The following PIGW variants were observed in gnomAD, a reference collection of about 807,000 sequenced individuals.
PIGW encodes phosphatidylinositol glycan anchor biosynthesis class W.
PIGW carries 23 observed loss-of-function variants against 34.0 expected under a neutral mutation model. That is an observed-to-expected ratio of 0.68 (90% CI 0.49 to 0.96). The LOEUF (loss-of-function observed/expected upper bound fraction) is 0.96, where lower values mean the gene tolerates loss of function less well. Among genes scored for constraint, PIGW ranks in the 40% least tolerant of loss-of-function variants. The probability of loss-of-function intolerance (pLI) is 0.00; values close to 1 mark genes in which losing one functional copy is unlikely to be tolerated. For missense variants in PIGW, 574 were observed against 586.3 expected (o/e 0.98, Z 0.22); for synonymous variants, 225 against 225.2 (o/e 1.00, Z 0.01).
At chr17:36,536,553 T>A (rs558386828) in intron 1 of PIGW, among the ~76,000 whole-genome samples, 3 of 133,438 alleles carry the variant, frequency 2.2e-5, no homozygotes, top group Non-Finnish European at 4.7e-5. Context: ...TGAGATGGAG[T>A]CTCACTCTGT....
rs1323700473 is a variant in PIGW at position 36,535,426 on chromosome 17, G to C, written c.-175G>C. ...ACTGGCACGAGCGCCATGATGGGCG[G>C]AGACGCGCGGAATCGGCCGGCCCGG... On this transcript the variant is annotated 5_prime_UTR_variant, in exon 1 of 2. Coordinates refer to ENST00000614443, the MANE Select transcript of PIGW (RefSeq NM_001346754.2). The C allele has an allele frequency of 6.6e-6, 1 of 152,302 alleles. No individual in the cohort carries two copies. The highest frequency in any genetic ancestry group is 1.5e-5 in the Non-Finnish European group (1 of 68,090). The allele number at this position is 152,302 out of a possible 1,614,324, so 9.4% of individuals were successfully genotyped here.
Position 36,537,537 on chromosome 17 carries a change from G to T in PIGW, c.436G>T (p.Ala146Ser). ...TGCGTTTACTGCTATTGCTATTTTG[G>T]CTGTGGACTTCCCACTTTTTCCCAG... ...TSAFTAIAIL[A>S]VDFPLFPRRF... The change falls in exon 2 of 2, where the codon GCT (alanine) becomes TCT (serine). Residue 146 changes from alanine (A) to serine (S), a missense_variant. Physicochemically the swap from Ala to Ser is moderately conservative, Grantham distance 99. Coordinates refer to ENST00000614443, the MANE Select transcript of PIGW (RefSeq NM_001346754.2). 2 of 1,614,054 alleles carry T rather than the reference G, an allele frequency of 1.2e-6. No homozygotes were observed. The highest frequency in any genetic ancestry group is 1.1e-5 in the South Asian group (1 of 91,076).
rs2074068773 is a variant in PIGW, at chr17:36,535,234, C to CGGCGGAGTGTTGTGCGAGTCA, written c.-361_-360insGTGTTGTGCGAGTCAGGCGGA. The stretch of plus-strand genomic sequence containing the variant: ...AGTGCGGCGGAGTGTTGTGCGAGGC[C>CGGCGGAGTGTTGTGCGAGTCA]GGCGGACACCATTACCCTGATAGGG... On this transcript the variant is annotated 5_prime_UTR_variant, in exon 1 of 2. Coordinates refer to ENST00000614443, the MANE Select transcript of PIGW (RefSeq NM_001346754.2). 1 of 152,172 alleles carries CGGCGGAGTGTTGTGCGAGTCA rather than the reference C, an allele frequency of 6.6e-6. No individual in the cohort carries two copies. Among genetic ancestry groups the CGGCGGAGTGTTGTGCGAGTCA allele is most frequent in the Non-Finnish European group, 1.5e-5 (1 of 68,084 alleles). 9.4% of individuals were successfully genotyped at this position (152,172 alleles called of 1,614,324 possible).
chr17:36,538,183 T>A lies in PIGW; in HGVS notation c.1082T>A (p.Val361Glu), dbSNP rs551293655. ...TCTCTTTACGTAGTTCAAGTAAATGTAGAAGCAGTATCTCGAAGAATGGCA... is the reference window on the plus strand; with the variant it reads ...TCTCTTTACGTAGTTCAAGTAAATGAAGAAGCAGTATCTCGAAGAATGGCA... ...FISLYVVQVN[V>E]EAVSRRMANL... Residue 361 changes from valine (V) to glutamate (E), a missense_variant, in exon 2 of 2, where the codon GTA becomes GAA. By Grantham distance (121) the Val-to-Glu change is moderately radical (BLOSUM62 -2). Transcript: ENST00000614443. 7 of 1,613,766 alleles carry A rather than the reference T, an allele frequency of 4.3e-6. No homozygotes were observed. In the Admixed American group the frequency reaches 8.3e-5, roughly 19 times the overall value.
Position 36,538,072 on chromosome 17 carries a change from TATATATGC to T in PIGW, c.975_982del (p.Tyr325Ter). ...CACATGGCTGGTGTGCAAACAGGGTTATATATGCATAAGAACCGATCACATATCAAAGA... is the reference window on the plus strand; with the variant it reads ...CACATGGCTGGTGTGCAAACAGGGTTATAAGAACCGATCACATATCAAAGA... On this transcript the variant is annotated frameshift_variant, in exon 2 of 2. Coordinates refer to ENST00000614443, the MANE Select transcript of PIGW (RefSeq NM_001346754.2). LOFTEE classifies it high-confidence loss of function. 1 of 1,614,194 alleles carries T rather than the reference TATATATGC, an allele frequency of 6.2e-7. No homozygotes were observed. The highest frequency in any genetic ancestry group is 8.5e-7 in the Non-Finnish European group (1 of 1,180,042).
intron 1 of PIGW, among the ~76,000 whole-genome samples, chr17:36,536,882 A>C (rs11650008): frequency 0.52 from 79,173 of 151,970 alleles, 20,841 homozygotes; most frequent in East Asian, 0.64. Flanking sequence ...CCAATAATTT[A>C]ATATTATTAG....
At position 36,539,249 on chromosome 17, in the gene PIGW, A is replaced by G. The variant is rs973784158; in HGVS notation, c.*633A>G. On this transcript the variant is annotated 3_prime_UTR_variant, in exon 2 of 2. Coordinates refer to ENST00000614443, the MANE Select transcript of PIGW (RefSeq NM_001346754.2). ...ATGCTATTCTGTATTTTTACTGTAT[A>G]TTGCTTTTACAATAAATATAAAATG... 1 of 167,024 alleles carries G rather than the reference A, an allele frequency of 6.0e-6. No individual in the cohort carries two copies. The highest frequency in any genetic ancestry group is 1.5e-5 in the Non-Finnish European group (1 of 68,120). The allele number at this position is 167,024 out of a possible 1,614,324, so 10.3% of individuals were successfully genotyped here. A position where few individuals can be genotyped will look rare whatever the true frequency, so the allele number is the denominator to read the frequency against.
At position 36,537,548 on chromosome 17, in the gene PIGW, C is replaced by G. The variant is rs2074159292; in HGVS notation, c.447C>G (p.Phe149Leu). 6.2e-7 allele frequency: 1 copy of G among 1,614,132 alleles called. No individual in the cohort carries two copies. The highest frequency in any genetic ancestry group is 1.1e-5 in the South Asian group (1 of 91,082). The change falls in exon 2 of 2, where the codon TTC (phenylalanine) becomes TTG (leucine). Residue 149 changes from phenylalanine to leucine, a missense_variant. Phe to Leu is a conservative substitution (Grantham distance 22). Coordinates refer to ENST00000614443, the MANE Select transcript of PIGW (RefSeq NM_001346754.2). ...FTAIAILAVD[F>L]PLFPRRFAKT... The stretch of plus-strand genomic sequence containing the variant: ...CTATTGCTATTTTGGCTGTGGACTT[C>G]CCACTTTTTCCCAGAAGATTTGCCA...
rs751924963 is a variant in PIGW at position 36,537,322 on chromosome 17, T to C, written c.221T>C (p.Ile74Thr). 2 of 1,614,074 alleles carry C rather than the reference T, an allele frequency of 1.2e-6. No individual in the cohort carries two copies. The highest frequency in any genetic ancestry group is 1.7e-6 in the Non-Finnish European group (2 of 1,180,022). Residue 74 changes from isoleucine to threonine, a missense_variant, in exon 2 of 2, where the codon ATT becomes ACT. Ile to Thr is a moderately conservative substitution (Grantham distance 89, BLOSUM62 -1). Coordinates refer to ENST00000614443, the MANE Select transcript of PIGW (RefSeq NM_001346754.2). ...GTTCCCATGGTAGCCACTTTGACCA[T>C]TTGGGCTTCATTTATCCTCCTTGAG... ...LIVPMVATLTIWASFILLELL... is the reference protein window; with the variant it reads ...LIVPMVATLTTWASFILLELL...
rs2074171424 is a variant in PIGW at position 36,538,305 on chromosome 17, A to G, written c.1204A>G (p.Ile402Val). ...AATTTTGAGTTTTGCCAAATTTCTA[A>G]TTAAAGGAGCTCTAGTACCATGTTC... ...DIILSFAKFL[I>V]KGALVPCSWK... Residue 402 changes from isoleucine to valine, a missense_variant, in exon 2 of 2, where the codon ATT becomes GTT. Physicochemically the swap from Ile to Val is conservative, Grantham distance 29 (BLOSUM62 3). Transcript: ENST00000614443. The G allele has an allele frequency of 6.2e-7, 1 of 1,613,432 alleles. No individual in the cohort carries two copies. Among genetic ancestry groups the G allele is most frequent in the African/African-American group, 1.3e-5 (1 of 74,820 alleles).
rs141448923 is a variant in PIGW, at chr17:36,538,095, C to T, written c.994C>T (p.His332Tyr). ...GTTATATATGCATAAGAACCGATCA[C>T]ATATCAAAGACTTGATAAAAGTAGC... is the stretch of plus-strand genomic sequence containing the variant. ...TGLYMHKNRS[H>Y]IKDLIKVACF... Residue 332 changes from histidine to tyrosine, a missense_variant, in exon 2 of 2, where the codon CAT (histidine) becomes TAT (tyrosine). By Grantham distance (83) the His-to-Tyr change is moderately conservative (BLOSUM62 2). Transcript: ENST00000614443. 6 of 1,614,090 alleles carry T rather than the reference C, an allele frequency of 3.7e-6. No individual in the cohort carries two copies. In the African/African-American group the frequency reaches 8.0e-5, roughly 22 times the overall value.
rs2074175109 is a variant in PIGW, at chr17:36,538,538, G to A, written c.1437G>A (p.Val479=). The A allele has an allele frequency of 6.2e-7, 1 of 1,613,560 alleles. No individual in the cohort carries two copies. Among genetic ancestry groups the A allele is most frequent in the African/African-American group, 1.3e-5 (1 of 74,864 alleles). ...LHSSTLWALF[V]VNLYMFSNCL... is the part of the protein sequence containing the mutation. ...GCAGTACCTTGTGGGCCTTATTTGT[G>A]GTCAATCTCTATATGTTTTCCAACT... The change falls in exon 2 of 2, where the codon GTG becomes GTA. Residue 479 remains valine, a synonymous_variant. Transcript: ENST00000614443.
rs765878188 is a variant in PIGW, at chr17:36,538,272, G to C, written c.1171G>C (p.Gly391Arg). The change falls in exon 2 of 2, where the codon GGT (glycine) becomes CGT (arginine). Residue 391 changes from glycine to arginine, a missense_variant. Transcript: ENST00000614443. Reference sequence around the variant, plus strand: ...GATCCTTCTTAGTAGTTTATTACTGGGTGATATAATTTTGAGTTTTGCCAA... The same window carrying C: ...GATCCTTCTTAGTAGTTTATTACTGCGTGATATAATTTTGAGTTTTGCCAA... ...SLILLSSLLLGDIILSFAKFL... is the reference protein window; with the variant it reads ...SLILLSSLLLRDIILSFAKFL... 2 of 1,613,174 alleles carry C rather than the reference G, an allele frequency of 1.2e-6. No individual in the cohort carries two copies. The highest frequency in any genetic ancestry group is 2.2e-5 in the South Asian group (2 of 90,998).
In PIGW at chr17:36,538,072, TATATA is replaced by T. The variant is rs1460108683; in HGVS notation, c.972_976del (p.Leu324PhefsTer3). 6.2e-7 allele frequency: 1 copy of T among 1,614,194 alleles called. No homozygotes were observed. The highest frequency in any genetic ancestry group is 1.7e-5 in the Admixed American group (1 of 60,020). ...CACATGGCTGGTGTGCAAACAGGGT[TATATA>T]TGCATAAGAACCGATCACATATCAA... On this transcript the variant is annotated frameshift_variant, in exon 2 of 2. Transcript: ENST00000614443. LOFTEE classifies it high-confidence loss of function.
Position 36,538,413 on chromosome 17 carries a change from CTT to C in PIGW, c.1314_1315del (p.Cys439PhefsTer60), listed in dbSNP as rs1284318967. 6 of 1,614,010 alleles carry C rather than the reference CTT, an allele frequency of 3.7e-6. No homozygotes were observed. The highest frequency in any genetic ancestry group is 1.3e-5 in the African/African-American group (1 of 74,930). On this transcript the variant is annotated frameshift_variant, in exon 2 of 2. Transcript: ENST00000614443. LOFTEE classifies it high-confidence loss of function. ...TGAAGCCGAAAGAATGGAACCCAGT[CTT>C]TGTTTAATCACAGCTCTAAACAGAA... ...VPEAERMEPS[L>X]CLITALNRKQ...
rs150604569 is a variant in PIGW at position 36,537,506 on chromosome 17, T to C, written c.405T>C (p.Ile135=). Residue 135 remains isoleucine, a synonymous_variant, in exon 2 of 2, where the codon ATT becomes ATC. Transcript: ENST00000614443. Reference sequence around the variant, plus strand: ...CAGCCATCTCCTGTTTCCGTGTAATTACCAGTGCGTTTACTGCTATTGCTA... The same window carrying C: ...CAGCCATCTCCTGTTTCCGTGTAATCACCAGTGCGTTTACTGCTATTGCTA... ...YNPAISCFRV[I]TSAFTAIAIL... 7.4e-6 allele frequency: 12 copies of C among 1,614,094 alleles called. No individual in the cohort carries two copies. The African/African-American group carries it at 1.6e-4, about 22-fold the overall frequency.
chr17:36,537,551 A>G lies in PIGW; in HGVS notation c.450A>G (p.Pro150=). The G allele has an allele frequency of 6.2e-7, 1 of 1,613,940 alleles. No homozygotes were observed. Among genetic ancestry groups the G allele is most frequent in the East Asian group, 2.2e-5 (1 of 44,860 alleles). The change falls in exon 2 of 2, where the codon CCA becomes CCG. Residue 150 remains proline (P), a synonymous_variant. Coordinates refer to ENST00000614443, the MANE Select transcript of PIGW (RefSeq NM_001346754.2). ...TTGCTATTTTGGCTGTGGACTTCCC[A>G]CTTTTTCCCAGAAGATTTGCCAAAA... ...TAIAILAVDF[P]LFPRRFAKTE...
intron 1 of PIGW, among the ~76,000 whole-genome samples, 199 bp downstream of exon 1, chr17:36,535,791 C>G (rs569717817): frequency 1.3e-5 from 2 of 152,060 alleles, no homozygotes; most frequent in East Asian, 1.9e-4. Context: ...GCATTACAGG[C>G]GCGCACCACC....
Position 36,537,133 on chromosome 17 carries a change from T to A in PIGW, c.32T>A (p.Val11Asp). The stretch of plus-strand genomic sequence containing the variant: ...GAAAAGCAGATGAAGGAAGCTTTTG[T>A]CAGTAACCTCAATGGAACCACCGTG... MSEKQMKEAFVSNLNGTTVLE... is the reference protein window; with the variant it reads MSEKQMKEAFDSNLNGTTVLE... The change falls in exon 2 of 2, where the codon GTC (valine) becomes GAC (aspartate). Residue 11 changes from valine (V) to aspartate (D), a missense_variant. By Grantham distance (152) the Val-to-Asp change is radical. Coordinates refer to ENST00000614443, the MANE Select transcript of PIGW (RefSeq NM_001346754.2). The A allele has an allele frequency of 6.2e-7, 1 of 1,602,036 alleles. No individual in the cohort carries two copies.
Sources: allele counts gnomAD v4.1 joint callset (sites outside exome capture counted in the v4.1 genomes callset), GRCh38; gene constraint gnomAD v4.1.1; transcripts MANE v1.5; gene names NCBI Gene and HGNC (gene_info 2026-07-23, HGNC 2026-07-21).